Variants in TNIK observed in about 807,000 individuals in gnomAD.
TNIK encodes TRAF2 and NCK interacting kinase, also known as TRAF2 and NCK-interacting protein kinase.
TNIK carries 49 observed loss-of-function variants against 191.3 expected under a neutral mutation model. The observed-to-expected ratio is 0.26, with a 90% confidence interval of 0.20 to 0.32. The LOEUF (loss-of-function observed/expected upper bound fraction) is 0.32. Ranked by LOEUF, TNIK falls within the 10% of genes least tolerant of loss-of-function variation. The pLI, the probability that TNIK is intolerant of heterozygous loss-of-function variation, is 1.00. For missense variants in TNIK, 1,155 were observed against 1,702.3 expected (o/e 0.68, Z 5.66); for synonymous variants, 594 against 600.9 (o/e 0.99, Z 0.17).
intron 3 of TNIK, among the ~76,000 whole-genome samples, chr3:171,225,085 T>C (rs1742806424): frequency 6.6e-6 from 1 of 152,188 alleles, no homozygotes; most frequent in Non-Finnish European, 1.5e-5. Context: ...AGCATGTAAT[T>C]AACAAAGACG....
intron 3 of TNIK, chr3:171,225,722 A>G (rs923775757): frequency 2.8e-5 from 12 of 426,652 alleles, no homozygotes; most frequent in Admixed American, 1.3e-4. Flanking sequence ...GTGGTTCTTG[A>G]GTAGTTTCTG....
chr3:171,162,192 TG>T (rs763412840), intron 10 of TNIK, among the ~76,000 whole-genome samples: 6 of 151,830 alleles, frequency 4.0e-5, no homozygotes, highest in Non-Finnish European at 7.4e-5. Context: ...GAGGCCAAGG[TG>T]GGCGGATCAT....
chr3:171,158,551 G>A (rs974763340), intron 11 of TNIK, among the ~76,000 whole-genome samples: 3 of 152,204 alleles, frequency 2.0e-5, no homozygotes, highest in Non-Finnish European at 2.9e-5. Flanking sequence ...TTATTCAAAC[G>A]TAGCCCTTTT....
intron 2 of TNIK, among the ~76,000 whole-genome samples, chr3:171,241,686 A>C (rs188122776): frequency 1.3e-5 from 2 of 152,340 alleles, no homozygotes; most frequent in African/African-American, 4.8e-5. Flanking sequence ...TTCTGCTAGC[A>C]GCAGCCAACA....
chr3:171,068,941 A>G lies in TNIK; in HGVS notation c.3606T>C (p.Gly1202=). 1 of 1,613,826 alleles carries G rather than the reference A, an allele frequency of 6.2e-7. No individual in the cohort carries two copies. The highest frequency in any genetic ancestry group is 2.2e-5 in the East Asian group (1 of 44,868). The change falls in exon 30 of 33, where the codon GGT becomes GGC. Residue 1202 remains glycine, a synonymous_variant. Coordinates refer to ENST00000436636, the MANE Select transcript of TNIK (RefSeq NM_015028.4). ...AACCAAAAATAACCTTTAATCTTTG[A>G]CCTTCTTCTACCGTGAGATCAACTA... The part of the protein sequence containing the change: ...PLLVDLTVEE[G]QRLKVIFGSH...
intron 20 of TNIK, 166 bp downstream of exon 20, chr3:171,107,898 TC>T (rs1725179855): frequency 1.7e-6 from 1 of 579,552 alleles, no homozygotes; most frequent in Admixed American, 3.5e-5. Flanking sequence ...CAAGATCTCT[TC>T]GGTTCTTTCC....
intron 12 of TNIK, among the ~76,000 whole-genome samples, chr3:171,143,870 A>G (rs1018130151): frequency 6.6e-6 from 1 of 152,122 alleles, no homozygotes; most frequent in Non-Finnish European, 1.5e-5. Flanking sequence ...ACATTCTTTT[A>G]TATTGAACAC....
intron 2 of TNIK, among the ~76,000 whole-genome samples, chr3:171,249,072 G>A (rs1745934996): frequency 6.6e-6 from 1 of 152,202 alleles, no homozygotes; most frequent in African/African-American, 2.4e-5. Flanking sequence ...TAGTGTAGGA[G>A]CTTATGAAAT....
rs375257258 is a variant in TNIK, at chr3:171,326,609, AAC to A, written c.123+43009_123+43010del. Among the ~76,000 whole-genome samples, 60 of 152,352 alleles carry A rather than the reference AAC, an allele frequency of 3.9e-4. No individual in the cohort carries two copies. The East Asian group carries it at 4.4e-3, about 11-fold the overall frequency. On this transcript the variant is annotated intron_variant, in intron 2 of 32. Coordinates refer to ENST00000436636, the MANE Select transcript of TNIK (RefSeq NM_015028.4). ...AAAGTTTTATCTAAAATTTAAATCTAACAGTTTGTCCTGAAACATAGATTGCT... is the reference window on the plus strand; with the variant it reads ...AAAGTTTTATCTAAAATTTAAATCTAAGTTTGTCCTGAAACATAGATTGCT...
chr3:171,153,258 C>G (rs1732710568), intron 12 of TNIK, among the ~76,000 whole-genome samples: 1 of 152,098 alleles, frequency 6.6e-6, no homozygotes, highest in Non-Finnish European at 1.5e-5. Flanking sequence ...TCAAATTTCT[C>G]TGCTGTCTCT....
chr3:171,096,191 C>T (rs1020432968), intron 22 of TNIK, among the ~76,000 whole-genome samples: 1 of 152,082 alleles, frequency 6.6e-6, no homozygotes, highest in Non-Finnish European at 1.5e-5. Flanking sequence ...TGGCATCTGC[C>T]AGGCTGATGC....
intron 8 of TNIK, 124 bp from the exon 9 acceptor site, chr3:171,175,454 A>G (rs920557431): frequency 8.7e-6 from 6 of 693,540 alleles, no homozygotes; most frequent in South Asian, 5.9e-5. Flanking sequence ...CAGTGAGCAC[A>G]AAGTCAGAAT....
At chr3:171,347,304 A>C in intron 2 of TNIK, 1 of 1,412,662 alleles carries the variant, frequency 7.1e-7, no homozygotes, top group African/African-American at 1.4e-5. Context: ...TCTCTTTGAC[A>C]GCCAAGCTAG....
intron 8 of TNIK, among the ~76,000 whole-genome samples, chr3:171,176,836 T>A (rs1207921365): frequency 1.3e-5 from 2 of 152,214 alleles, no homozygotes; most frequent in Non-Finnish European, 2.9e-5. Context: ...GAACTGAGAT[T>A]CTCAAGACTG....
chr3:171,257,708 C>CT (rs1747060809), intron 2 of TNIK, among the ~76,000 whole-genome samples: 1 of 152,178 alleles, frequency 6.6e-6, no homozygotes, highest in Non-Finnish European at 1.5e-5. Context: ...CCAAGATCCC[C>CT]TTCTCTTGGG....
chr3:171,246,635 C>A (rs757435585), intron 2 of TNIK, among the ~76,000 whole-genome samples: 7 of 152,160 alleles, frequency 4.6e-5, no homozygotes, highest in Admixed American at 6.5e-5. Flanking sequence ...AAAAATATTT[C>A]TAAGAGCTTT....
At chr3:171,388,188 T>A (rs896431178) in intron 1 of TNIK, among the ~76,000 whole-genome samples, 2 of 152,236 alleles carry the variant, frequency 1.3e-5, no homozygotes, top group Non-Finnish European at 2.9e-5. Flanking sequence ...ATGACTGCCC[T>A]CAGCTTCCAG....
intron 28 of TNIK, among the ~76,000 whole-genome samples, chr3:171,073,846 A>C (rs1719538586): frequency 9.1e-6 from 1 of 109,684 alleles, no homozygotes; most frequent in East Asian, 2.1e-4. Context: ...CTAAAAGGTC[A>C]AAAAAAAAAA....
At chr3:171,135,539 C>T (rs1313808270) in intron 15 of TNIK, among the ~76,000 whole-genome samples, 1 of 152,188 alleles carries the variant, frequency 6.6e-6, no homozygotes, top group Non-Finnish European at 1.5e-5. Context: ...GTTTCATGAA[C>T]AGACAACGGT....
Sources: gnomAD v4.1 joint callset for allele counts (sites outside exome capture counted in the v4.1 genomes callset) on GRCh38, gnomAD v4.1.1 for gene constraint, MANE v1.5 for transcripts, NCBI Gene and HGNC (gene_info 2026-07-23, HGNC 2026-07-21) for gene names.